The following LEPROT variants were observed in gnomAD, a reference collection of about 807,000 sequenced individuals.
LEPROT encodes the protein leptin receptor overlapping transcript, also known as leptin receptor gene-related protein.
In LEPROT, 3 loss-of-function variants were observed where a neutral mutation model predicts 15.4. The ratio of observed to expected loss-of-function variants is 0.19; its 90% CI spans 0.09 to 0.50. The LOEUF (loss-of-function observed/expected upper bound fraction) is 0.50, where lower values mean the gene tolerates loss of function less well. LEPROT is among the 20% of genes least tolerant of loss of function. The pLI, the probability that LEPROT is intolerant of heterozygous loss-of-function variation, is 0.97. For synonymous variants in LEPROT, 59 were observed against 57.5 expected (o/e 1.03, Z -0.12); for missense variants, 137 against 162.2 (o/e 0.84, Z 0.84).
intron 2 of LEPROT, among the ~76,000 whole-genome samples, chr1:65,426,130 G>A (rs1192444527): frequency 7.5e-6 from 1 of 134,104 alleles, no homozygotes; most frequent in African/African-American, 3.9e-5. Flanking sequence ...CTCAGAGGAG[G>A]TAAAAAGTGA....
intron 2 of LEPROT, 33 bp from the exon 3 acceptor site, chr1:65,429,829 T>C (rs773642212): frequency 2.4e-5 from 34 of 1,391,958 alleles, no homozygotes; most frequent in Non-Finnish European, 3.2e-5. Flanking sequence ...CTGTTACTTT[T>C]CTTTTTGGAT....
chr1:65,433,055 A>G lies in LEPROT; in HGVS notation c.*1136A>G. 1 of 985,428 alleles carries G rather than the reference A, an allele frequency of 1.0e-6. No homozygotes were observed. The highest frequency in any genetic ancestry group is 1.2e-6 in the Non-Finnish European group (1 of 829,928). The allele number at this position is 985,428 out of a possible 1,614,324, so 61.0% of individuals were successfully genotyped here. On this transcript the variant is annotated 3_prime_UTR_variant, in exon 4 of 4. Coordinates refer to ENST00000371065, the MANE Select transcript of LEPROT (RefSeq NM_017526.5). ...GGAAGAGCTCCACTGAGATGCGGGC[A>G]GGGAGGCTGGGCTCGAGCCAGCCCC... is the stretch of plus-strand genomic sequence containing the variant.
Position 65,433,820 on chromosome 1 carries a change from A to T in LEPROT, c.*1901A>T, listed in dbSNP as rs891485744. On this transcript the variant is annotated 3_prime_UTR_variant, in exon 4 of 4. Transcript: ENST00000371065. ...TTAACTTTAAAAGTTTAACTTTAAA[A>T]TTTTTTTGTGATGTTGCCTTGCCTG... The T allele has an allele frequency of 1.2e-5, 12 of 982,294 alleles. No homozygotes were observed. The African/African-American group carries it at 1.6e-4, about 13-fold the overall frequency. The allele number at this position is 982,294 out of a possible 1,614,324, so 60.8% of individuals were successfully genotyped here.
chr1:65,424,012 C>T (rs2101675451), intron 1 of LEPROT, among the ~76,000 whole-genome samples: 1 of 152,280 alleles, frequency 6.6e-6, no homozygotes, highest in Middle Eastern at 3.4e-3. Context: ...TTCCATTTTA[C>T]AGGTGAGAAA....
At position 65,421,471 on chromosome 1, in the gene LEPROT, T is replaced by C. The variant is rs1436092717; in HGVS notation, c.16+731T>C. 2.0e-6 allele frequency: 3 copies of C among 1,536,004 alleles called. No homozygotes were observed. The African/African-American group carries it at 4.1e-5, about 21-fold the overall frequency. On this transcript the variant is annotated intron_variant, in intron 1 of 3. Transcript: ENST00000371065. ...CTTCCTGTATTTTGGTAGGAAAACA[T>C]TCCATTTCTAATCTGTCGAATAGAG...
At chr1:65,428,143 A>T (rs1194743570) in intron 2 of LEPROT, 1 of 152,278 alleles carries the variant, frequency 6.6e-6, no homozygotes, top group Non-Finnish European at 1.5e-5. Context: ...GGCCCTTTAT[A>T]GAAAAAGTTG....
Position 65,431,808 on chromosome 1 carries a change from A to G in LEPROT, c.285A>G (p.Lys95=). The change falls in exon 4 of 4, where the codon AAA becomes AAG. Residue 95 remains lysine (K), a synonymous_variant. Coordinates refer to ENST00000371065, the MANE Select transcript of LEPROT (RefSeq NM_017526.5). ...CTTCTTTTCTTGTCTTTCAGATCAA[A>G]TGGGGAGCCTGCGGCCTTGTGTTGG... ...PVILARVAVI[K]WGACGLVLAG... 1 of 1,612,896 alleles carries G rather than the reference A, an allele frequency of 6.2e-7. No homozygotes were observed. The highest frequency in any genetic ancestry group is 8.5e-7 in the Non-Finnish European group (1 of 1,179,608).
rs1411206354 is a variant in LEPROT, at chr1:65,435,510, G to T, written c.*3591G>T. ...AGCCTCCCAAGGAGCTGGGACTACAGGCTCCCGCCACCACGCCTGGCTAAT... is the reference window on the plus strand; with the variant it reads ...AGCCTCCCAAGGAGCTGGGACTACATGCTCCCGCCACCACGCCTGGCTAAT... On this transcript the variant is annotated 3_prime_UTR_variant, in exon 4 of 4. Transcript: ENST00000371065. 1 of 376,408 alleles carries T rather than the reference G, an allele frequency of 2.7e-6. No homozygotes were observed. The highest frequency in any genetic ancestry group is 3.7e-6 in the Non-Finnish European group (1 of 273,680). The allele number at this position is 376,408 out of a possible 1,614,324, so 23.3% of individuals were successfully genotyped here.
Position 65,435,385 on chromosome 1 carries a change from T to TA in LEPROT, c.*3466_*3467insA, listed in dbSNP as rs1646546843. ...TCTTTTCTTTTTTTTTTTTTTTTTT[T>TA]GAGGCAGAGTCTCGCTCTGTTGCCC... On this transcript the variant is annotated 3_prime_UTR_variant, in exon 4 of 4. Transcript: ENST00000371065. The TA allele has an allele frequency of 1.1e-6, 1 of 874,680 alleles. No individual in the cohort carries two copies. The highest frequency in any genetic ancestry group is 2.0e-5 in the African/African-American group (1 of 49,954). The allele number at this position is 874,680 out of a possible 1,614,324, so 54.2% of individuals were successfully genotyped here.
intron 3 of LEPROT, 66 bp downstream of exon 3, chr1:65,430,114 G>A (rs1646457728): frequency 7.4e-7 from 1 of 1,354,238 alleles, no homozygotes; most frequent in Non-Finnish European, 9.9e-7. Context: ...CTGTGTCTGG[G>A]ACCTCCATTT....
chr1:65,422,603 G>C (rs892068198), intron 1 of LEPROT, among the ~76,000 whole-genome samples: 3 of 152,248 alleles, frequency 2.0e-5, no homozygotes, highest in African/African-American at 7.2e-5. Flanking sequence ...TGCTTGAACT[G>C]AATCTGAAGG....
intron 1 of LEPROT, 80 bp downstream of exon 1, chr1:65,420,820 C>A: frequency 6.6e-7 from 1 of 1,514,276 alleles, no homozygotes; most frequent in Non-Finnish European, 8.9e-7. Context: ...CTGCGCCTTC[C>A]GCGCGCCGTT....
intron 2 of LEPROT, among the ~76,000 whole-genome samples, chr1:65,429,086 A>G (rs1459093236): frequency 6.6e-6 from 1 of 152,226 alleles, no homozygotes; most frequent in African/African-American, 2.4e-5. Context: ...CTAATCTATC[A>G]GATGGGAATA....
chr1:65,420,670 G>T lies in LEPROT; in HGVS notation c.-55G>T. On this transcript the variant is annotated 5_prime_UTR_variant, in exon 1 of 4. Coordinates refer to ENST00000371065, the MANE Select transcript of LEPROT (RefSeq NM_017526.5). ...GCGACTCCCGGTCTGGCTTGGGCAG[G>T]CTGCCCGGGCCGTGGCAGGAAGCCG... is the stretch of plus-strand genomic sequence containing the variant. The T allele has an allele frequency of 1.3e-6, 2 of 1,557,358 alleles. No homozygotes were observed. The highest frequency in any genetic ancestry group is 1.7e-6 in the Non-Finnish European group (2 of 1,151,734).
intron 1 of LEPROT, chr1:65,421,609 C>T: frequency 1.2e-6 from 1 of 860,958 alleles, no homozygotes; most frequent in African/African-American, 1.7e-5. Flanking sequence ...ACGAGTACGC[C>T]TCTGTTCACT....
Position 65,435,114 on chromosome 1 carries a change from C to A in LEPROT, c.*3195C>A. On this transcript the variant is annotated 3_prime_UTR_variant, in exon 4 of 4. Coordinates refer to ENST00000371065, the MANE Select transcript of LEPROT (RefSeq NM_017526.5). Reference sequence around the variant, plus strand: ...ATAGAAGGATAGCAATATTTTGGGACAGGGAAAATCCTGTCATACCTCATC... The same window carrying A: ...ATAGAAGGATAGCAATATTTTGGGAAAGGGAAAATCCTGTCATACCTCATC... The A allele has an allele frequency of 3.0e-6, 3 of 985,376 alleles. No individual in the cohort carries two copies. Among genetic ancestry groups the A allele is most frequent in the Non-Finnish European group, 3.6e-6 (3 of 829,936 alleles). 61.0% of individuals were successfully genotyped at this position (985,376 alleles called of 1,614,324 possible).
chr1:65,424,242 T>A (rs555774254), intron 1 of LEPROT, among the ~76,000 whole-genome samples: 1 of 152,316 alleles, frequency 6.6e-6, no homozygotes, highest in Non-Finnish European at 1.5e-5. Flanking sequence ...TGCACACTAG[T>A]TGGGAATTGT....
At chr1:65,424,089 C>T (rs1646309239) in intron 1 of LEPROT, among the ~76,000 whole-genome samples, 1 of 152,184 alleles carries the variant, frequency 6.6e-6, no homozygotes, top group Non-Finnish European at 1.5e-5. Context: ...TAAGATTTGA[C>T]TCATGTTTGT....
At position 65,432,895 on chromosome 1, in the gene LEPROT, C is replaced by T. The variant is rs181493478; in HGVS notation, c.*976C>T. On this transcript the variant is annotated 3_prime_UTR_variant, in exon 4 of 4. Transcript: ENST00000371065. The stretch of plus-strand genomic sequence containing the variant: ...ACCTTATATTCAAAAATCATAAAAC[C>T]GTATTGTACCCTATAAAAATATACA... The T allele has an allele frequency of 2.2e-5, 19 of 869,208 alleles. No individual in the cohort carries two copies. The highest frequency in any genetic ancestry group is 6.2e-5 in the Admixed American group (1 of 16,124). The allele number at this position is 869,208 out of a possible 1,614,324, so 53.8% of individuals were successfully genotyped here.
Sources: gnomAD v4.1 joint callset for allele counts (sites outside exome capture counted in the v4.1 genomes callset) on GRCh38, gnomAD v4.1.1 for gene constraint, MANE v1.5 for transcripts, NCBI Gene and HGNC (gene_info 2026-07-23, HGNC 2026-07-21) for gene names.